Variants in SERTM1 observed in about 807,000 individuals in gnomAD.
SERTM1 encodes serine rich and transmembrane domain containing 1, also known as serine-rich and transmembrane domain-containing protein 1.
In SERTM1, 1 loss-of-function variant was observed where a neutral mutation model predicts 5.5. The observed-to-expected ratio is 0.18, with a 90% CI of 0.06 to 0.86. The LOEUF (loss-of-function observed/expected upper bound fraction) is 0.86. Ranked by LOEUF, SERTM1 falls within the 40% of genes least tolerant of loss-of-function variation. The probability of loss-of-function intolerance (pLI) is 0.69; values close to 1 mark genes in which losing one functional copy is unlikely to be tolerated. For missense variants in SERTM1, 91 were observed against 122.4 expected, an observed-to-expected ratio of 0.74 and a Z score of 1.21; for synonymous variants, 52 against 55.1, an observed-to-expected ratio of 0.94 and a Z score of 0.25.
intron 1 of SERTM1, among the ~76,000 whole-genome samples, chr13:36,681,555 T>A (rs1170156751): frequency 1.3e-5 from 2 of 152,224 alleles, no homozygotes; most frequent in African/African-American, 4.8e-5. Flanking sequence ...CTATGGTATG[T>A]GATATTCCTG....
At chr13:36,675,792 G>A (rs1338837032) in intron 1 of SERTM1, among the ~76,000 whole-genome samples, 2 of 152,142 alleles carry the variant, frequency 1.3e-5, no homozygotes, top group Non-Finnish European at 2.9e-5. Flanking sequence ...TTAAATGCTG[G>A]ACATCGTAGG....
intron 1 of SERTM1, among the ~76,000 whole-genome samples, chr13:36,677,517 A>G (rs1299779134): frequency 2.0e-5 from 3 of 152,210 alleles, no homozygotes; most frequent in East Asian, 1.9e-4. Flanking sequence ...GTAAGCCTCT[A>G]ATAATTGTTA....
In SERTM1 at chr13:36,697,419, A is replaced by G. The variant is rs1041677034; in HGVS notation, c.*2017A>G. 3.0e-5 allele frequency: 5 copies of G among 165,942 alleles called. No homozygotes were observed. The highest frequency in any genetic ancestry group is 5.9e-5 in the Non-Finnish European group (4 of 67,990). The allele number at this position is 165,942 out of a possible 1,614,324, so 10.3% of individuals were successfully genotyped here. ...TCTATATTATCACTTTTGCTCTTTG[A>G]CTAATCCTATGCTGTTTTTGTTATA... On this transcript the variant is annotated 3_prime_UTR_variant, in exon 2 of 2. Transcript: ENST00000315190.
intron 1 of SERTM1, 103 bp downstream of exon 1, chr13:36,674,287 G>A (rs1382492671): frequency 1.4e-5 from 2 of 138,338 alleles, no homozygotes; most frequent in Admixed American, 7.6e-5. Flanking sequence ...TCCTGGAGGC[G>A]AGCCGCCTCC....
At chr13:36,684,309 T>A (rs1293009067) in intron 1 of SERTM1, among the ~76,000 whole-genome samples, 1 of 151,958 alleles carries the variant, frequency 6.6e-6, no homozygotes, top group Non-Finnish European at 1.5e-5. Context: ...AAAAAAATTC[T>A]CTGAGCTTTA....
At chr13:36,681,529 G>A (rs532863062) in intron 1 of SERTM1, among the ~76,000 whole-genome samples, 24 of 152,324 alleles carry the variant, frequency 1.6e-4, no homozygotes, top group African/African-American at 5.3e-4. Context: ...GCATTGAGAT[G>A]GAGTAGCTAA....
chr13:36,675,437 G>A (rs573959592), intron 1 of SERTM1, among the ~76,000 whole-genome samples: 1 of 152,160 alleles, frequency 6.6e-6, no homozygotes, highest in Non-Finnish European at 1.5e-5. Flanking sequence ...CCTGTCAACA[G>A]GAAAAGAGGC....
In SERTM1 at chr13:36,689,677, G is replaced by GT. The variant is rs897407741; in HGVS notation, c.-173-5219dup. Among the ~76,000 whole-genome samples, 109 of 145,928 alleles carry GT rather than the reference G, an allele frequency of 7.5e-4. 1 individual carries two copies. The highest frequency in any genetic ancestry group is 3.6e-3 in the Middle Eastern group (1 of 280). On this transcript the variant is annotated intron_variant, in intron 1 of 1. Transcript: ENST00000315190. ...TCCTTTTTTGAAAGATTCTCCTGTG[G>GT]TTTTTTTTTTAGTTTCCCTCAATCA... is the stretch of plus-strand genomic sequence containing the variant.
intron 1 of SERTM1, among the ~76,000 whole-genome samples, chr13:36,690,497 G>T (rs1481869054): frequency 6.6e-6 from 1 of 152,182 alleles, no homozygotes; most frequent in Non-Finnish European, 1.5e-5. Context: ...GGTGGGAAGT[G>T]TGTATTGTCA....
chr13:36,692,963 GAGGA>G (rs1199343560), intron 1 of SERTM1, among the ~76,000 whole-genome samples: 1 of 152,190 alleles, frequency 6.6e-6, no homozygotes, highest in Admixed American at 6.5e-5. Context: ...AAGTAGTCAT[GAGGA>G]ACACACAAGA....
At chr13:36,689,289 T>C (rs1262634519) in intron 1 of SERTM1, among the ~76,000 whole-genome samples, 1 of 152,060 alleles carries the variant, frequency 6.6e-6, no homozygotes, top group African/African-American at 2.4e-5. Flanking sequence ...GCAGATCACC[T>C]GAGGTCAGGA....
chr13:36,679,360 T>G (rs548477033), intron 1 of SERTM1, among the ~76,000 whole-genome samples: 1 of 152,294 alleles, frequency 6.6e-6, no homozygotes, highest in Admixed American at 6.5e-5. Context: ...GAGATGCAAC[T>G]GTACTGCTTA....
At chr13:36,690,030 C>T (rs937112481) in intron 1 of SERTM1, among the ~76,000 whole-genome samples, 1 of 152,048 alleles carries the variant, frequency 6.6e-6, no homozygotes, top group Non-Finnish European at 1.5e-5. Context: ...TTTTATCCAC[C>T]AAAGTACTAT....
At chr13:36,685,780 A>G (rs1256521359) in intron 1 of SERTM1, among the ~76,000 whole-genome samples, 1 of 152,164 alleles carries the variant, frequency 6.6e-6, no homozygotes, top group Non-Finnish European at 1.5e-5. Flanking sequence ...TATCTGTGGA[A>G]CTTGCTACTT....
intron 1 of SERTM1, 104 bp from the exon 2 acceptor site, chr13:36,694,802 C>A: frequency 2.3e-6 from 1 of 431,434 alleles, no homozygotes. Flanking sequence ...ATCTTGTTTC[C>A]TCCATGCTGA....
intron 1 of SERTM1, among the ~76,000 whole-genome samples, chr13:36,687,256 T>G (rs573109695): frequency 6.6e-6 from 1 of 152,332 alleles, no homozygotes; most frequent in African/African-American, 2.4e-5. Context: ...TATTGGGATA[T>G]GCAAGACACA....
intron 1 of SERTM1, among the ~76,000 whole-genome samples, chr13:36,680,653 C>T (rs1320602800): frequency 1.3e-5 from 2 of 152,148 alleles, no homozygotes; most frequent in Non-Finnish European, 2.9e-5. Flanking sequence ...AGACTTGTAG[C>T]TCTCTGATTC....
At chr13:36,692,990 G>C (rs1222346578) in intron 1 of SERTM1, among the ~76,000 whole-genome samples, 1 of 152,208 alleles carries the variant, frequency 6.6e-6, no homozygotes, top group Non-Finnish European at 1.5e-5. Context: ...CATAGTCTTT[G>C]CCTTATCTGC....
intron 1 of SERTM1, among the ~76,000 whole-genome samples, chr13:36,681,538 A>T (rs1371238105): frequency 6.6e-6 from 1 of 152,222 alleles, no homozygotes. Flanking sequence ...TGGAGTAGCT[A>T]ACAATCCTAT....
Sources: gnomAD v4.1 joint callset for allele counts (sites outside exome capture counted in the v4.1 genomes callset) on GRCh38, gnomAD v4.1.1 for gene constraint, MANE v1.5 for transcripts, NCBI Gene and HGNC (gene_info 2026-07-23, HGNC 2026-07-21) for gene names.